ATG13: variants seen among roughly 807,000 people sequenced by gnomAD.
The protein encoded by ATG13 is autophagy related 13.
ATG13 carries 23 observed loss-of-function variants against 65.5 expected under a neutral mutation model. The ratio of observed to expected loss-of-function variants is 0.35; its 90% CI spans 0.25 to 0.50. ATG13 has a LOEUF of 0.50. Ranked by LOEUF, ATG13 falls within the 20% of genes least tolerant of loss-of-function variation. The probability of loss-of-function intolerance (pLI) is 0.98; values close to 1 mark genes in which losing one functional copy is unlikely to be tolerated. For synonymous variants in ATG13, 252 were observed against 245.2 expected (o/e 1.03, Z -0.26); for missense variants, 566 against 677.0 (o/e 0.84, Z 1.82).
chr11:46,622,096 T>C (rs1322137495), intron 1 of ATG13, among the ~76,000 whole-genome samples: 46 of 58,928 alleles, frequency 7.8e-4, no homozygotes, highest in Non-Finnish European at 5.3e-4. Flanking sequence ...TATATATATA[T>C]ATATATATAT....
intron 2 of ATG13, among the ~76,000 whole-genome samples, chr11:46,640,410 A>G (rs1246814869): frequency 6.6e-6 from 1 of 152,246 alleles, no homozygotes; most frequent in Non-Finnish European, 1.5e-5. Context: ...TATTTGCAGT[A>G]TGTATATCCA....
At chr11:46,656,158 TTC>T in intron 7 of ATG13, 73 bp from the exon 8 acceptor site, 1 of 1,322,606 alleles carries the variant, frequency 7.6e-7, no homozygotes, top group Non-Finnish European at 1.1e-6. Context: ...TTTATTTTGT[TTC>T]TACGTGTTTT....
intron 16 of ATG13, 66 bp from the exon 17 acceptor site, chr11:46,668,728 G>A: frequency 6.6e-7 from 1 of 1,514,476 alleles, no homozygotes; most frequent in South Asian, 1.1e-5. Context: ...AGAATTTTCA[G>A]ATTGTTTACA....
intron 2 of ATG13, among the ~76,000 whole-genome samples, chr11:46,636,542 G>T (rs961011657): frequency 1.4e-5 from 2 of 147,384 alleles, no homozygotes; most frequent in African/African-American, 2.5e-5. Flanking sequence ...TGGAGGACAG[G>T]GCGAGACTCC....
intron 12 of ATG13, 25 bp downstream of exon 12, chr11:46,664,120 G>A (rs370311331): frequency 2.1e-6 from 3 of 1,441,734 alleles, no homozygotes. Flanking sequence ...GGAAGAAGGG[G>A]ATATAATCAG....
intron 11 of ATG13, among the ~76,000 whole-genome samples, chr11:46,660,802 A>G (rs575626356): frequency 1.3e-4 from 19 of 151,198 alleles, no homozygotes; most frequent in African/African-American, 4.6e-4. Flanking sequence ...TAGACCTCCC[A>G]GGGTCAGGTG....
chr11:46,624,604 G>A (rs545320855), intron 1 of ATG13, among the ~76,000 whole-genome samples: 53 of 152,004 alleles, frequency 3.5e-4, no homozygotes, highest in African/African-American at 1.3e-3. Context: ...CTCATGGTTA[G>A]TTTCAGGTTA....
intron 1 of ATG13, among the ~76,000 whole-genome samples, chr11:46,629,656 CA>C (rs1344043254): frequency 5.9e-5 from 9 of 152,140 alleles, no homozygotes; most frequent in Admixed American, 1.3e-4. Flanking sequence ...TTCGGCCTCC[CA>C]AAATGCTGGG....
chr11:46,663,047 C>T (rs896904090), intron 11 of ATG13, among the ~76,000 whole-genome samples: 24 of 152,098 alleles, frequency 1.6e-4, no homozygotes, highest in African/African-American at 5.1e-4. Flanking sequence ...GGGCGGATCA[C>T]GAGGTCAGGA....
At chr11:46,641,442 C>T (rs2055981515) in intron 2 of ATG13, among the ~76,000 whole-genome samples, 1 of 152,186 alleles carries the variant, frequency 6.6e-6, no homozygotes, top group African/African-American at 2.4e-5. Context: ...GAATAAACTG[C>T]TGCTACATCC....
At chr11:46,632,484 A>G (rs2052137064) in intron 2 of ATG13, 1 of 152,190 alleles carries the variant, frequency 6.6e-6, no homozygotes, top group Non-Finnish European at 1.5e-5. Context: ...ATTTGAAGTA[A>G]GTGGTAACCT....
intron 7 of ATG13, among the ~76,000 whole-genome samples, chr11:46,651,089 T>C (rs2058799898): frequency 6.6e-6 from 1 of 152,210 alleles, no homozygotes; most frequent in African/African-American, 2.4e-5. Flanking sequence ...TCAGCACATT[T>C]ATTGAGCACC....
rs1448795286 is a variant in ATG13, at chr11:46,622,117, A to G, written c.-70+4227A>G. On this transcript the variant is annotated intron_variant, in intron 1 of 18. Transcript: ENST00000683050. ...TATATATATATATATATATATATAT[A>G]TATATATATATTTATTTTAGAGATG... Among the ~76,000 whole-genome samples, 7 of 82,092 alleles carry G rather than the reference A, an allele frequency of 8.5e-5. No individual in the cohort carries two copies. In the South Asian group the frequency reaches 1.8e-3, roughly 21 times the overall value. 53.9% of individuals were successfully genotyped at this position (82,092 alleles called of 152,430 possible).
chr11:46,656,928 TAC>T (rs144572744), intron 8 of ATG13, 165 bp from the exon 9 acceptor site: 68,145 of 429,242 alleles, frequency 0.16, 459 homozygotes, highest in South Asian at 0.2. Context: ...TACACGCACA[TAC>T]ACACACACAC....
chr11:46,669,184 C>T (rs1469466551), intron 17 of ATG13, among the ~76,000 whole-genome samples: 1 of 152,102 alleles, frequency 6.6e-6, no homozygotes, highest in Non-Finnish European at 1.5e-5. Flanking sequence ...CGTGGCTAGG[C>T]AAGGAGTTTG....
At chr11:46,659,704 C>T (rs1321144241) in intron 11 of ATG13, 1 of 414,868 alleles carries the variant, frequency 2.4e-6, no homozygotes, top group Non-Finnish European at 4.3e-6. Context: ...CCCTTACCTT[C>T]CTGGTGACAT....
chr11:46,642,304 GTTTTTTTTTTT>G (rs200225497), intron 2 of ATG13, among the ~76,000 whole-genome samples: 2 of 107,922 alleles, frequency 1.9e-5, no homozygotes, highest in Non-Finnish European at 3.4e-5. Flanking sequence ...ATTTTTGTGG[GTTTTTTTTTTT>G]TTTTTTTTTG....
intron 7 of ATG13, among the ~76,000 whole-genome samples, chr11:46,651,042 A>T (rs1036478190): frequency 1.3e-5 from 2 of 152,238 alleles, no homozygotes; most frequent in African/African-American, 2.4e-5. Flanking sequence ...GATATAAAGA[A>T]TGGGTCAACA....
chr11:46,635,805 C>A (rs1220053263), intron 2 of ATG13, among the ~76,000 whole-genome samples: 1 of 152,142 alleles, frequency 6.6e-6, no homozygotes, highest in Non-Finnish European at 1.5e-5. Flanking sequence ...CCTTTCAATG[C>A]TACCAGTTGT....
Sources: gnomAD v4.1 joint callset for allele counts (sites outside exome capture counted in the v4.1 genomes callset) on GRCh38, gnomAD v4.1.1 for gene constraint, MANE v1.5 for transcripts, NCBI Gene and HGNC (gene_info 2026-07-23, HGNC 2026-07-21) for gene names.